The following RBPMS variants were observed in gnomAD, a reference collection of about 807,000 sequenced individuals.
RBPMS encodes RNA-binding protein with multiple splicing.
Under a neutral mutation model 26.8 loss-of-function variants are expected in RBPMS, and 7 were observed. That is an observed-to-expected ratio of 0.26 (90% CI 0.15 to 0.49). The LOEUF (loss-of-function observed/expected upper bound fraction) is 0.49, where lower values mean the gene tolerates loss of function less well. RBPMS is among the 20% of genes least tolerant of loss of function. RBPMS has a pLI of 0.98. For missense variants in RBPMS, 186 were observed against 250.0 expected, an observed-to-expected ratio of 0.74 and a Z score of 1.73; for synonymous variants, 96 against 93.3, an observed-to-expected ratio of 1.03 and a Z score of -0.17.
At chr8:30,547,783 G>A (rs1037983641) in intron 6 of RBPMS, among the ~76,000 whole-genome samples, 1 of 152,222 alleles carries the variant, frequency 6.6e-6, no homozygotes, top group African/African-American at 2.4e-5. Context: ...CACTTCAGCA[G>A]GGATGCTGCG....
At chr8:30,477,129 T>C (rs1295999189) in intron 2 of RBPMS, among the ~76,000 whole-genome samples, 1 of 152,176 alleles carries the variant, frequency 6.6e-6, no homozygotes, top group Non-Finnish European at 1.5e-5. Context: ...ATCGGCTCAC[T>C]GCAAGCTCTG....
chr8:30,429,148 C>T (rs1391365179), intron 1 of RBPMS, among the ~76,000 whole-genome samples: 1 of 152,092 alleles, frequency 6.6e-6, no homozygotes, highest in Non-Finnish European at 1.5e-5. Flanking sequence ...TAGTCCAGCC[C>T]CTTCTTGCTT....
At chr8:30,549,455 A>C (rs1040786637) in intron 6 of RBPMS, 4 of 1,503,200 alleles carry the variant, frequency 2.7e-6, no homozygotes, top group Admixed American at 1.7e-5. Flanking sequence ...GACATAAATG[A>C]AATTGTTAAT....
chr8:30,569,388 A>T (rs959719104), intron 8 of RBPMS, among the ~76,000 whole-genome samples: 1 of 152,126 alleles, frequency 6.6e-6, no homozygotes, highest in African/African-American at 2.4e-5. Flanking sequence ...GTCAGTGAGA[A>T]CCCCTGTGAG....
At chr8:30,410,266 G>A (rs1585369449) in intron 1 of RBPMS, among the ~76,000 whole-genome samples, 1 of 151,728 alleles carries the variant, frequency 6.6e-6, no homozygotes, top group Admixed American at 6.6e-5. Flanking sequence ...GAGTGCAGTG[G>A]TACAATCTCC....
At chr8:30,515,382 G>C (rs559273452) in intron 5 of RBPMS, among the ~76,000 whole-genome samples, 1 of 152,296 alleles carries the variant, frequency 6.6e-6, no homozygotes, top group South Asian at 2.1e-4. Flanking sequence ...TGGTGTAATA[G>C]CAGAGAAGAA....
intron 1 of RBPMS, among the ~76,000 whole-genome samples, chr8:30,466,890 C>T (rs748180716): frequency 1.3e-5 from 2 of 152,294 alleles, no homozygotes; most frequent in African/African-American, 2.4e-5. Context: ...CCACCAAACC[C>T]GGCCAGTGGC....
chr8:30,434,068 G>C (rs551418483), intron 1 of RBPMS, among the ~76,000 whole-genome samples: 1 of 152,092 alleles, frequency 6.6e-6, no homozygotes, highest in East Asian at 1.9e-4. Flanking sequence ...AGTGAGCCAA[G>C]TTTACACCAC....
chr8:30,546,207 G>A (rs769538368), intron 6 of RBPMS, among the ~76,000 whole-genome samples: 11 of 152,128 alleles, frequency 7.2e-5, no homozygotes, highest in Non-Finnish European at 1.6e-4. Flanking sequence ...AGACTGCCGG[G>A]TACAGATCAC....
intron 4 of RBPMS, among the ~76,000 whole-genome samples, chr8:30,481,083 T>A (rs1197189182): frequency 6.6e-6 from 1 of 152,196 alleles, no homozygotes; most frequent in African/African-American, 2.4e-5. Flanking sequence ...CCCTTAGGTG[T>A]GGTAGGTTGC....
At chr8:30,539,072 T>A (rs1825110171) in intron 5 of RBPMS, among the ~76,000 whole-genome samples, 1 of 152,150 alleles carries the variant, frequency 6.6e-6, no homozygotes, top group Admixed American at 6.5e-5. Flanking sequence ...CTTGCTGAGG[T>A]ATGTGAGTGG....
chr8:30,425,152 T>G (rs1811212357), intron 1 of RBPMS, among the ~76,000 whole-genome samples: 1 of 152,036 alleles, frequency 6.6e-6, no homozygotes, highest in South Asian at 2.1e-4. Context: ...CGACAAAGTC[T>G]CACTATGTTG....
At chr8:30,502,333 G>T (rs972612840) in intron 4 of RBPMS, among the ~76,000 whole-genome samples, 1 of 152,136 alleles carries the variant, frequency 6.6e-6, no homozygotes, top group Non-Finnish European at 1.5e-5. Context: ...TGGAGCTTCA[G>T]TTGATTCTGG....
At chr8:30,500,200 C>T (rs960652729) in intron 4 of RBPMS, among the ~76,000 whole-genome samples, 4 of 152,128 alleles carry the variant, frequency 2.6e-5, no homozygotes, top group Non-Finnish European at 4.4e-5. Flanking sequence ...TCTCTCACCC[C>T]TACCACTAAG....
chr8:30,472,460 G>C (rs187821023), intron 1 of RBPMS, among the ~76,000 whole-genome samples: 1 of 152,292 alleles, frequency 6.6e-6, no homozygotes, highest in African/African-American at 2.4e-5. Context: ...ACTTTTGGTG[G>C]TGATAGATTG....
At chr8:30,519,458 C>CTTTTTTTTTTTTT (rs36017963) in intron 5 of RBPMS, among the ~76,000 whole-genome samples, 1 of 89,460 alleles carries the variant, frequency 1.1e-5, no homozygotes, top group African/African-American at 4.4e-5. Flanking sequence ...GGATCTCTCT[C>CTTTTTTTTTTTTT]TTTTTTTTTT....
chr8:30,558,711 C>T (rs923852460), intron 6 of RBPMS, 176 bp from the exon 7 acceptor site: 4 of 679,980 alleles, frequency 5.9e-6, no homozygotes. Context: ...GTGTGGAACG[C>T]CTCTCAGGAC....
At chr8:30,421,094 T>C (rs1228659346) in intron 1 of RBPMS, among the ~76,000 whole-genome samples, 1 of 152,148 alleles carries the variant, frequency 6.6e-6, no homozygotes, top group Non-Finnish European at 1.5e-5. Flanking sequence ...AAAGTACAGG[T>C]TAGAGATTTA....
intron 1 of RBPMS, among the ~76,000 whole-genome samples, chr8:30,446,460 AATGAG>A (rs5890519): frequency 0.063 from 9,607 of 152,186 alleles, 999 homozygotes; most frequent in African/African-American, 0.21. Context: ...TTTTCTTAAA[AATGAG>A]ATGATAATTA....
Sources: gnomAD v4.1 joint callset for allele counts (sites outside exome capture counted in the v4.1 genomes callset) on GRCh38, gnomAD v4.1.1 for gene constraint, MANE v1.5 for transcripts, NCBI Gene and HGNC (gene_info 2026-07-23, HGNC 2026-07-21) for gene names.